The following MCTP1 variants were observed in gnomAD, a reference collection of about 807,000 sequenced individuals.
MCTP1 encodes the protein multiple C2 and transmembrane domain-containing protein 1.
Under a neutral mutation model 120.6 loss-of-function variants are expected in MCTP1, and 69 were observed. That is an observed-to-expected ratio of 0.57 (90% CI 0.47 to 0.70). MCTP1 has a LOEUF of 0.70. MCTP1 is among the 30% of genes least tolerant of loss of function. The probability of loss-of-function intolerance (pLI) is 0.00; values close to 1 mark genes in which losing one functional copy is unlikely to be tolerated. For synonymous variants in MCTP1, 529 were observed against 493.1 expected (o/e 1.07, Z -0.96); for missense variants, 1,203 against 1,248.8 (o/e 0.96, Z 0.55).
intron 1 of MCTP1, among the ~76,000 whole-genome samples, chr5:95,109,745 G>C (rs1218555878): frequency 6.6e-6 from 1 of 152,148 alleles, no homozygotes; most frequent in Admixed American, 6.6e-5. Context: ...GCAGTTCTTA[G>C]TTATTACATT....
intron 1 of MCTP1, among the ~76,000 whole-genome samples, chr5:95,107,334 G>A (rs906809818): frequency 3.9e-5 from 6 of 152,152 alleles, no homozygotes; most frequent in African/African-American, 1.4e-4. Flanking sequence ...CAGGGCATTT[G>A]CTTTTAATAA....
At chr5:94,832,976 C>T (rs964585243) in intron 17 of MCTP1, among the ~76,000 whole-genome samples, 25 of 152,176 alleles carry the variant, frequency 1.6e-4, no homozygotes, top group African/African-American at 6.0e-4. Context: ...TAACCACACA[C>T]CACAAGTGAG....
intron 1 of MCTP1, among the ~76,000 whole-genome samples, chr5:95,024,530 T>C (rs545050654): frequency 1.2e-4 from 18 of 152,070 alleles, no homozygotes; most frequent in Non-Finnish European, 2.1e-4. Flanking sequence ...TTTGAAGGCT[T>C]TTCCTCTAAG....
chr5:95,213,130 A>C (rs202188896), intron 1 of MCTP1, among the ~76,000 whole-genome samples: 15 of 152,146 alleles, frequency 9.9e-5, no homozygotes, highest in South Asian at 2.1e-4. Flanking sequence ...GTCTCAGCCC[A>C]AAATCTCCTT....
At chr5:95,207,696 C>T (rs111329672) in intron 1 of MCTP1, among the ~76,000 whole-genome samples, 22 of 152,248 alleles carry the variant, frequency 1.4e-4, no homozygotes, top group African/African-American at 5.1e-4. Context: ...CATATCCCCA[C>T]ATCCCAAGAG....
At chr5:95,000,844 C>T (rs1360875832) in intron 2 of MCTP1, among the ~76,000 whole-genome samples, 1 of 152,216 alleles carries the variant, frequency 6.6e-6, no homozygotes, top group African/African-American at 2.4e-5. Context: ...TCCACATCTA[C>T]TCACTGACTC....
At chr5:94,726,294 A>C (rs143583635) in intron 19 of MCTP1, among the ~76,000 whole-genome samples, 123 of 152,316 alleles carry the variant, frequency 8.1e-4, no homozygotes, top group African/African-American at 2.9e-3. Context: ...TGGAAGTTGT[A>C]TGTCCTCTGA....
intron 1 of MCTP1, among the ~76,000 whole-genome samples, chr5:95,141,007 A>C (rs759449518): frequency 3.9e-5 from 6 of 152,096 alleles, no homozygotes; most frequent in Non-Finnish European, 7.4e-5. Flanking sequence ...AGACAAGTCC[A>C]AGAAACTTGG....
At chr5:94,847,378 AC>A (rs1463710975) in intron 17 of MCTP1, among the ~76,000 whole-genome samples, 1 of 152,188 alleles carries the variant, frequency 6.6e-6, no homozygotes, top group Non-Finnish European at 1.5e-5. Flanking sequence ...CCTATGCAGT[AC>A]CTGCTCTAAG....
intron 17 of MCTP1, among the ~76,000 whole-genome samples, chr5:94,841,454 C>CA (rs1186949267): frequency 6.6e-6 from 1 of 152,112 alleles, no homozygotes; most frequent in African/African-American, 2.4e-5. Flanking sequence ...ACTCCCACCC[C>CA]AAACACTGTG....
At chr5:95,279,251 G>T (rs990336460) in intron 1 of MCTP1, among the ~76,000 whole-genome samples, 1 of 152,130 alleles carries the variant, frequency 6.6e-6, no homozygotes, top group African/African-American at 2.4e-5. Flanking sequence ...AAACAATGAG[G>T]TAAAAGAAAG....
chr5:94,987,078 ATTG>A (rs1830550635), intron 2 of MCTP1, among the ~76,000 whole-genome samples: 1 of 151,906 alleles, frequency 6.6e-6, no homozygotes. Context: ...TTTTTATTGT[ATTG>A]TTATTTACCT....
rs777472417 is a variant in MCTP1 at position 94,799,044 on chromosome 5, A to G, written c.2525T>C (p.Ile842Thr). The G allele has an allele frequency of 6.2e-7, 1 of 1,612,006 alleles. No homozygotes were observed. The highest frequency in any genetic ancestry group is 8.5e-7 in the Non-Finnish European group (1 of 1,178,710). Residue 842 changes from isoleucine (I) to threonine (T), a missense_variant, in exon 18 of 23, where the codon ATA becomes ACA. Around this residue, in one of 2 missense-constraint regions of MCTP1, gnomAD observed 740 missense variants for 871.1 expected, o/e 0.85. Coordinates refer to ENST00000515393, the MANE Select transcript of MCTP1 (RefSeq NM_024717.7). The part of the protein sequence containing the change: ...LLLTWNYFLI[I>T]SGKDNRQRDT... ...ACGTTGCCTGTTATCTTTCCCTGAT[A>G]TTATCAAGAAGTAGTTCCATGTCAA...
At chr5:95,258,794 G>A (rs1326016030) in intron 1 of MCTP1, among the ~76,000 whole-genome samples, 1 of 152,124 alleles carries the variant, frequency 6.6e-6, no homozygotes, top group Non-Finnish European at 1.5e-5. Context: ...GTGATACCTT[G>A]TCAACAATTA....
intron 2 of MCTP1, among the ~76,000 whole-genome samples, chr5:94,956,541 A>C (rs996866863): frequency 2.6e-5 from 4 of 152,172 alleles, no homozygotes; most frequent in African/African-American, 9.7e-5. Flanking sequence ...AGGAACTACT[A>C]AATAGAATAA....
intron 2 of MCTP1, among the ~76,000 whole-genome samples, chr5:95,013,823 C>A (rs55866804): frequency 0.45 from 68,330 of 151,922 alleles, 17,914 homozygotes; most frequent in Non-Finnish European, 0.6. Context: ...GCCCATCGAT[C>A]AAGGAGTAAT....
At chr5:94,963,764 G>C (rs2153562253) in intron 2 of MCTP1, among the ~76,000 whole-genome samples, 1 of 152,072 alleles carries the variant, frequency 6.6e-6, no homozygotes, top group East Asian at 1.9e-4. Flanking sequence ...TCCATAGATT[G>C]CTTTTTTATT....
At chr5:94,996,282 C>A (rs1832605756) in intron 2 of MCTP1, among the ~76,000 whole-genome samples, 1 of 152,152 alleles carries the variant, frequency 6.6e-6, no homozygotes, top group South Asian at 2.1e-4. Context: ...AAATTAAAGA[C>A]CGTGTGGATG....
At chr5:95,036,524 G>C (rs1841330186) in intron 1 of MCTP1, among the ~76,000 whole-genome samples, 1 of 152,154 alleles carries the variant, frequency 6.6e-6, no homozygotes, top group African/African-American at 2.4e-5. Flanking sequence ...TAACTCTATA[G>C]TGTTCCCCTT....
Sources: allele counts gnomAD v4.1 joint callset (sites outside exome capture counted in the v4.1 genomes callset), GRCh38; gene constraint gnomAD v4.1.1; regional missense constraint gnomAD v4.1.1; transcripts MANE v1.5; gene names NCBI Gene and HGNC (gene_info 2026-07-23, HGNC 2026-07-21).